ENTPD5: variants seen among roughly 807,000 people sequenced by gnomAD.
ENTPD5 encodes the protein nucleoside diphosphate phosphatase ENTPD5.
In ENTPD5, 49 loss-of-function variants were observed where a neutral mutation model predicts 60.2. The ratio of observed to expected loss-of-function variants is 0.81; its 90% CI spans 0.65 to 1.03. The LOEUF (loss-of-function observed/expected upper bound fraction) is 1.03. ENTPD5 is among the 50% of genes least tolerant of loss of function. The pLI, the probability that ENTPD5 is intolerant of heterozygous loss-of-function variation, is 0.00. For missense variants in ENTPD5, 480 were observed against 507.6 expected (o/e 0.95, Z 0.52); for synonymous variants, 187 against 185.4 (o/e 1.01, Z -0.07).
chr14:73,963,406 GA>G lies in ENTPD5; in HGVS notation c.*3521del, dbSNP rs2056845994. 1 of 277,342 alleles carries G rather than the reference GA, an allele frequency of 3.6e-6. No individual in the cohort carries two copies. The highest frequency in any genetic ancestry group is 4.8e-5 in the Admixed American group (1 of 20,680). 17.2% of individuals were successfully genotyped at this position (277,342 alleles called of 1,614,324 possible). ...AATTAGACTCGATGCATTTTTGTTA[GA>G]ATTGCTGTTTAAATGTTAACATCAG... On this transcript the variant is annotated 3_prime_UTR_variant, in exon 16 of 16. Transcript: ENST00000334696.
chr14:73,960,965 C>T (rs190433845), downstream of ENTPD5: 3 of 671,672 alleles, frequency 4.5e-6, no homozygotes, highest in South Asian at 1.7e-5. Flanking sequence ...GGGGCCAGCT[C>T]ATGTACAGTT....
chr14:73,958,431 G>C (rs1234637717), downstream of ENTPD5: 43 of 1,505,066 alleles, frequency 2.9e-5, no homozygotes, highest in Non-Finnish European at 3.8e-5. Context: ...CTCAAGTGGA[G>C]ATGGTCTCAT....
chr14:73,981,872 G>T (rs922924877), intron 6 of ENTPD5, among the ~76,000 whole-genome samples: 1 of 150,846 alleles, frequency 6.6e-6, no homozygotes, highest in Admixed American at 6.6e-5. Flanking sequence ...ATGCTGAGAG[G>T]AAAAAAGCCA....
chr14:74,009,516 A>G (rs2058779300), intron 3 of ENTPD5, among the ~76,000 whole-genome samples: 1 of 152,232 alleles, frequency 6.6e-6, no homozygotes, highest in African/African-American at 2.4e-5. Context: ...TGTATAAAGG[A>G]AGGAATAGGG....
intron 8 of ENTPD5, 84 bp downstream of exon 8, chr14:73,976,940 A>G: frequency 6.7e-6 from 8 of 1,195,578 alleles, no homozygotes; most frequent in Non-Finnish European, 9.8e-6. Context: ...GAAACAATAC[A>G]GAATGAAAGA....
In ENTPD5 at chr14:73,987,500, G is replaced by C. The variant is rs1370634778; in HGVS notation, c.217+386C>G. ...TAGGAGTTTGAGGCCAGCCTGAGCA[G>C]GTCTCTATAAAAAAATTTAAAAATG... On this transcript the variant is annotated intron_variant, in intron 4 of 15. Coordinates refer to ENST00000334696, the MANE Select transcript of ENTPD5 (RefSeq NM_001249.5). 5.3e-5 allele frequency among the ~76,000 whole-genome samples: 8 copies of C among 151,904 alleles called. No individual in the cohort carries two copies. In the East Asian group the frequency reaches 1.5e-3, roughly 29 times the overall value.
downstream of ENTPD5, chr14:73,959,281 TTC>T (rs769439302): frequency 3.0e-5 from 49 of 1,614,098 alleles, no homozygotes; most frequent in African/African-American, 6.1e-4. Flanking sequence ...CCTCTTCACT[TTC>T]TCTCAGCCTT....
At chr14:74,007,114 T>C (rs2058700719) in intron 3 of ENTPD5, among the ~76,000 whole-genome samples, 1 of 152,132 alleles carries the variant, frequency 6.6e-6, no homozygotes, top group Non-Finnish European at 1.5e-5. Context: ...AACAATTAGG[T>C]ACTAGCTGGG....
At chr14:73,993,333 C>T (rs1312692281) in intron 3 of ENTPD5, among the ~76,000 whole-genome samples, 1 of 152,084 alleles carries the variant, frequency 6.6e-6, no homozygotes, top group East Asian at 1.9e-4. Flanking sequence ...GAGACCCTGT[C>T]TCAATAAATA....
intron 10 of ENTPD5, 84 bp from the exon 11 acceptor site, chr14:73,975,069 C>T: frequency 9.6e-7 from 1 of 1,042,828 alleles, no homozygotes; most frequent in Non-Finnish European, 1.5e-6. Flanking sequence ...TAACATTGTT[C>T]CTGTGTCCCT....
chr14:73,956,052 C>CAT (rs2056415732), downstream of ENTPD5: 12 of 1,402,202 alleles, frequency 8.6e-6, no homozygotes, highest in East Asian at 7.0e-5. Flanking sequence ...TGGCCGGGTG[C>CAT]GGTGGCTCAC....
intron 14 of ENTPD5, among the ~76,000 whole-genome samples, chr14:73,971,315 C>T (rs866596424): frequency 1.1e-4 from 17 of 151,828 alleles, no homozygotes; most frequent in Non-Finnish European, 1.0e-4. Context: ...CTGCCACCTT[C>T]CTTGGCTAAT....
intron 3 of ENTPD5, among the ~76,000 whole-genome samples, chr14:73,998,169 G>A (rs1479410495): frequency 3.9e-5 from 6 of 152,054 alleles, no homozygotes; most frequent in Non-Finnish European, 8.8e-5. Context: ...CCACCAGAAG[G>A]GGTGCTGAGG....
At chr14:73,957,096 TTATTA>T (rs1408828862), downstream of ENTPD5, among the ~76,000 whole-genome samples, 1 of 128,236 alleles carries the variant, frequency 7.8e-6, no homozygotes, top group African/African-American at 2.6e-5. Context: ...ATTATTATTA[TTATTA>T]TTTTTTTTTT....
At chr14:73,957,328 ACCCACCTCGGCCT>A (rs1282090487), downstream of ENTPD5, among the ~76,000 whole-genome samples, 15 of 151,930 alleles carry the variant, frequency 9.9e-5, 1 homozygote, top group Admixed American at 9.8e-4. Flanking sequence ...CTCGTGATCC[ACCCACCTCGGCCT>A]CCCAAAGTGC....
rs138558914 is a variant in ENTPD5 at position 73,971,270 on chromosome 14, A to G, written c.1084+582T>C. On this transcript the variant is annotated intron_variant, in intron 14 of 15. Coordinates refer to ENST00000334696, the MANE Select transcript of ENTPD5 (RefSeq NM_001249.5). Reference sequence around the variant, plus strand: ...CCTCCCAGGTTCAAGCGATTCTCCTACCTCAGCCTCCCGAGTAGCTGGGAT... The same window carrying G: ...CCTCCCAGGTTCAAGCGATTCTCCTGCCTCAGCCTCCCGAGTAGCTGGGAT... Among the ~76,000 whole-genome samples, 298 of 150,886 alleles carry G rather than the reference A, an allele frequency of 2.0e-3. 2 individuals are homozygous for G. The highest frequency in any genetic ancestry group is 7.0e-3 in the African/African-American group (289 of 41,074).
chr14:73,957,527 T>G (rs1594798766), downstream of ENTPD5, among the ~76,000 whole-genome samples: 1 of 152,160 alleles, frequency 6.6e-6, no homozygotes. Flanking sequence ...TTGGCTGGGG[T>G]GCAGTGGCTT....
intron 10 of ENTPD5, among the ~76,000 whole-genome samples, 193 bp from the exon 11 acceptor site, chr14:73,975,178 G>C (rs2057388725): frequency 6.6e-6 from 1 of 152,144 alleles, no homozygotes; most frequent in Non-Finnish European, 1.5e-5. Context: ...TATGCAGTAA[G>C]AATTCCCCAC....
At chr14:74,003,579 G>T (rs762875008) in intron 3 of ENTPD5, 1 of 611,898 alleles carries the variant, frequency 1.6e-6, no homozygotes, top group Non-Finnish European at 3.0e-6. Flanking sequence ...ATTGTGTAGA[G>T]CTTGTCTCAA....
Sources: gnomAD v4.1 joint callset for allele counts (sites outside exome capture counted in the v4.1 genomes callset) on GRCh38, gnomAD v4.1.1 for gene constraint, MANE v1.5 for transcripts, NCBI Gene and HGNC (gene_info 2026-07-23, HGNC 2026-07-21) for gene names.